The following SOX30 variants were observed in gnomAD, a reference collection of about 807,000 sequenced individuals.
SOX30 encodes the protein transcription factor SOX-30.
SOX30 carries 17 observed loss-of-function variants against 58.6 expected under a neutral mutation model. The observed-to-expected ratio is 0.29, with a 90% CI of 0.20 to 0.44. The LOEUF is 0.44. Among genes scored for constraint, SOX30 ranks in the 20% least tolerant of loss-of-function variants. SOX30 has a pLI of 1.00. For synonymous variants in SOX30, 421 were observed against 400.2 expected (o/e 1.05, Z -0.62); for missense variants, 951 against 965.8 (o/e 0.98, Z 0.20).
intron 1 of SOX30, among the ~76,000 whole-genome samples, chr5:157,650,752 T>C (rs10069721): frequency 0.075 from 11,420 of 152,252 alleles, 1,466 homozygotes; most frequent in African/African-American, 0.26. Context: ...TTGATACATA[T>C]AAAAGTACTG....
chr5:157,631,195 T>C (rs907425312), intron 4 of SOX30, among the ~76,000 whole-genome samples: 5 of 150,824 alleles, frequency 3.3e-5, no homozygotes, highest in African/African-American at 1.2e-4. Flanking sequence ...GCAATCTTCC[T>C]GCCTCAGCCT....
chr5:157,647,234 TG>T (rs2113846542), intron 2 of SOX30, among the ~76,000 whole-genome samples: 1 of 152,200 alleles, frequency 6.6e-6, no homozygotes, highest in South Asian at 2.1e-4. Context: ...GCTAATTTTT[TG>T]TATTTTTAGT....
Position 157,626,289 on chromosome 5 carries a change from C to A in SOX30, c.*51G>T. 1 of 1,451,138 alleles carries A rather than the reference C, an allele frequency of 6.9e-7. No individual in the cohort carries two copies. 89.9% of individuals were successfully genotyped at this position (1,451,138 alleles called of 1,614,324 possible). ...TTTTTTTTTTCTCATACCAACTGAC[C>A]CAGAATATATTTTAAGAAATGTTTA... On this transcript the variant is annotated 3_prime_UTR_variant, in exon 5 of 5. Coordinates refer to ENST00000265007, the MANE Select transcript of SOX30 (RefSeq NM_178424.2).
rs1341971682 is a variant in SOX30 at position 157,652,377 on chromosome 5, T to C, written c.-299A>G. On this transcript the variant is annotated 5_prime_UTR_variant, in exon 1 of 5. Coordinates refer to ENST00000265007, the MANE Select transcript of SOX30 (RefSeq NM_178424.2). ...TTGCACATTTTCGTTCTGACTCTCT[T>C]GTGGAGTTCTCTTACAGCCGTTGTC... 3 of 1,130,732 alleles carry C rather than the reference T, an allele frequency of 2.7e-6. No homozygotes were observed. The South Asian group carries it at 1.3e-4, about 50-fold the overall frequency. 70.0% of individuals were successfully genotyped at this position (1,130,732 alleles called of 1,614,324 possible). A position where few individuals can be genotyped will look rare whatever the true frequency, so the allele number is the denominator to read the frequency against.
At chr5:157,665,344 A>G (rs1056004799) in intron 2 of SOX30, among the ~76,000 whole-genome samples, 20 of 152,328 alleles carry the variant, frequency 1.3e-4, no homozygotes, top group African/African-American at 4.6e-4. Flanking sequence ...AAACTATGGC[A>G]AGGACAAAAA....
Position 157,634,661 on chromosome 5 carries a change from A to AAT in SOX30, c.1880+3567_1880+3568dup, listed in dbSNP as rs1414202868. ...ATATAAATAACTAGAGTAGGAAGGA[A>AAT]ATATATATATAGTTTCACTCTTGTT... On this transcript the variant is annotated intron_variant, in intron 4 of 4. Transcript: ENST00000265007. Among the ~76,000 whole-genome samples, 4 of 151,822 alleles carry AAT rather than the reference A, an allele frequency of 2.6e-5. No individual in the cohort carries two copies. In the East Asian group the frequency reaches 5.8e-4, roughly 22 times the overall value.
chr5:157,663,462 A>C (rs987155297), intron 2 of SOX30, among the ~76,000 whole-genome samples: 1 of 152,198 alleles, frequency 6.6e-6, no homozygotes, highest in Non-Finnish European at 1.5e-5. Context: ...TCAAAATAGT[A>C]AGAGCTATTT....
intron 1 of SOX30, among the ~76,000 whole-genome samples, chr5:157,649,651 G>A (rs1215150636): frequency 3.3e-5 from 5 of 152,156 alleles, no homozygotes; most frequent in African/African-American, 4.8e-5. Context: ...TTAGCCAGGC[G>A]TGGTTGCTCA....
intron 2 of SOX30, among the ~76,000 whole-genome samples, chr5:157,666,897 G>C (rs1759685992): frequency 6.6e-6 from 1 of 152,090 alleles, no homozygotes. Context: ...GTAGGGACGG[G>C]GTTTCATCAT....
At chr5:157,671,417 T>C in exon 1 of SOX30, 1 of 582,224 alleles carries the variant, frequency 1.7e-6, no homozygotes, top group East Asian at 3.1e-5. Context: ...TATTACCGCG[T>C]CCGTGGCCGC....
rs757031098 is a variant in SOX30 at position 157,651,549 on chromosome 5, T to C, written c.530A>G (p.Tyr177Cys). 2 of 1,612,980 alleles carry C rather than the reference T, an allele frequency of 1.2e-6. No individual in the cohort carries two copies. The highest frequency in any genetic ancestry group is 1.7e-6 in the Non-Finnish European group (2 of 1,179,956). Residue 177 changes from tyrosine (Y) to cysteine (C), a missense_variant, in exon 1 of 5, where the codon TAC (tyrosine) becomes TGC (cysteine). Tyr to Cys is a radical substitution (Grantham distance 194, BLOSUM62 -2). Transcript: ENST00000265007. ...CTTGCCCTTCTCGTCCCCTCGGAAGTAGCCGAGGGCCGGCCCGGGGCCTTC... is the reference window on the plus strand; with the variant it reads ...CTTGCCCTTCTCGTCCCCTCGGAAGCAGCCGAGGGCCGGCCCGGGGCCTTC... ...KLEGPGPALG[Y>C]FRGDEKGKLE... is the part of the protein sequence containing the mutation.
At chr5:157,656,375 C>A (rs905879330), upstream of SOX30, among the ~76,000 whole-genome samples, 6 of 152,272 alleles carry the variant, frequency 3.9e-5, no homozygotes, top group Admixed American at 3.3e-4. Flanking sequence ...CTAAATTATG[C>A]AGGTCAGATA....
In SOX30 at chr5:157,651,848, C is replaced by T. The variant is rs190819360; in HGVS notation, c.231G>A (p.Gln77=). ...CCTGAGGCTGTGGTAGCAGCAACAC[C>T]TGCTCTGGCTTCACCTGCAGCAGCC... The part of the protein sequence containing the change: ...VRRLLQVKPE[Q]VLLLPQPQAQ... The change falls in exon 1 of 5, where the codon CAG becomes CAA. Residue 77 remains glutamine, a synonymous_variant. Transcript: ENST00000265007. The T allele has an allele frequency of 1.9e-6, 3 of 1,581,718 alleles. No individual in the cohort carries two copies. The highest frequency in any genetic ancestry group is 1.3e-5 in the African/African-American group (1 of 74,550).
intron 1 of SOX30, chr5:157,667,920 C>T: frequency 6.8e-7 from 1 of 1,473,214 alleles, no homozygotes; most frequent in Non-Finnish European, 9.1e-7. Context: ...TTATATCTTA[C>T]CTCATTCATT....
chr5:157,658,972 G>A (rs1409741640), intron 2 of SOX30, among the ~76,000 whole-genome samples: 1 of 152,134 alleles, frequency 6.6e-6, no homozygotes, highest in African/African-American at 2.4e-5. Context: ...GGTGACAAGA[G>A]TCACTTCTTA....
intron 2 of SOX30, among the ~76,000 whole-genome samples, chr5:157,659,196 C>G (rs1485396243): frequency 1.3e-5 from 2 of 152,226 alleles, no homozygotes; most frequent in African/African-American, 4.8e-5. Context: ...AACGTGCTTT[C>G]ACTTTACTCT....
intron 3 of SOX30, among the ~76,000 whole-genome samples, chr5:157,646,350 A>G (rs1482980967): frequency 6.6e-6 from 1 of 152,154 alleles, no homozygotes; most frequent in African/African-American, 2.4e-5. Context: ...CTATTGAATT[A>G]CCTCAGTTAT....
chr5:157,633,113 G>A (rs951675686), intron 4 of SOX30, among the ~76,000 whole-genome samples: 1 of 152,156 alleles, frequency 6.6e-6, no homozygotes, highest in Admixed American at 6.5e-5. Context: ...GCTTTATAAA[G>A]AGGTTTTAGT....
intron 2 of SOX30, among the ~76,000 whole-genome samples, chr5:157,660,109 T>C (rs549597286): frequency 1.3e-5 from 2 of 152,340 alleles, no homozygotes; most frequent in South Asian, 4.1e-4. Context: ...TAGCCTGAGC[T>C]AGTGTTTTAG....
Sources: gnomAD v4.1 joint callset for allele counts (sites outside exome capture counted in the v4.1 genomes callset) on GRCh38, gnomAD v4.1.1 for gene constraint, MANE v1.5 for transcripts, NCBI Gene and HGNC (gene_info 2026-07-23, HGNC 2026-07-21) for gene names.